The following PABPC4L variants were observed in gnomAD, a reference collection of about 807,000 sequenced individuals.
PABPC4L encodes the protein polyadenylate-binding protein 4-like.
For missense variants in PABPC4L, 452 were observed against 451.4 expected (o/e 1.00, Z -0.01); for synonymous variants, 169 against 164.1 (o/e 1.03, Z -0.23).
the PABPC4L span, among the ~76,000 whole-genome samples, chr4:134,189,465 G>T: frequency 1.3e-5 from 2 of 151,790 alleles, no homozygotes; most frequent in Non-Finnish European, 2.9e-5. Context: ...TATATACATG[G>T]TATACATACA....
the PABPC4L span, among the ~76,000 whole-genome samples, chr4:134,005,532 A>T: frequency 2.6e-5 from 4 of 151,930 alleles, no homozygotes; most frequent in Middle Eastern, 3.4e-3. Flanking sequence ...TATTTTAGTA[A>T]TCCAAGTAAA....
downstream of PABPC4L, among the ~76,000 whole-genome samples, chr4:134,194,061 A>G (rs909904499): frequency 6.6e-6 from 1 of 151,878 alleles, no homozygotes; most frequent in African/African-American, 2.4e-5. Context: ...GTAGGTAATT[A>G]TGTGTAATAA....
chr4:134,060,065 A>G, the PABPC4L span, among the ~76,000 whole-genome samples: 1 of 152,068 alleles, frequency 6.6e-6, no homozygotes, highest in Non-Finnish European at 1.5e-5. Flanking sequence ...GAGACATTGC[A>G]TTAAACTCAT....
the PABPC4L span, among the ~76,000 whole-genome samples, chr4:133,955,253 T>G: frequency 2.0e-5 from 3 of 151,996 alleles, no homozygotes; most frequent in African/African-American, 7.2e-5. Flanking sequence ...AAAGAAATAT[T>G]CAGGAGACTG....
At position 134,200,319 on chromosome 4, in the gene PABPC4L, A is replaced by T. The variant is rs1335600013; in HGVS notation, c.701T>A (p.Phe234Tyr). Residue 234 changes from phenylalanine to tyrosine, a missense_variant, in exon 2 of 2, where the codon TTT (phenylalanine) becomes TAT (tyrosine). By Grantham distance (22) the Phe-to-Tyr change is conservative. Coordinates refer to ENST00000421491, the MANE Select transcript of PABPC4L (RefSeq NM_001114734.2). Reference protein sequence around the residue: ...DSSGKSKGFGFVSFDSHEAAK... With the variant: ...DSSGKSKGFGYVSFDSHEAAK... ...AGCCTCATGGCTATCAAAACTCACA[A>T]AGCCAAAGCCTTTGGATTTCCCACT... is the stretch of plus-strand genomic sequence containing the variant. 2 of 1,593,740 alleles carry T rather than the reference A, an allele frequency of 1.3e-6. No homozygotes were observed. The highest frequency in any genetic ancestry group is 3.5e-5 in the Admixed American group (2 of 57,740).
At chr4:134,013,163 C>A in the PABPC4L span, among the ~76,000 whole-genome samples, 5 of 151,970 alleles carry the variant, frequency 3.3e-5, no homozygotes. Context: ...AGGGGAGGGG[C>A]AAGAACACCT....
chr4:133,952,225 T>C, the PABPC4L span, among the ~76,000 whole-genome samples: 2 of 152,172 alleles, frequency 1.3e-5, no homozygotes, highest in South Asian at 2.1e-4. Flanking sequence ...CCATGAAACC[T>C]TGTGGCAGCA....
At chr4:134,141,430 G>A in the PABPC4L span, among the ~76,000 whole-genome samples, 1 of 150,320 alleles carries the variant, frequency 6.7e-6, no homozygotes, top group Non-Finnish European at 1.5e-5. Context: ...TTTCAAAGAT[G>A]AGAAAAAGAA....
At chr4:134,053,079 C>G in the PABPC4L span, among the ~76,000 whole-genome samples, 2 of 152,062 alleles carry the variant, frequency 1.3e-5, no homozygotes, top group African/African-American at 4.8e-5. Flanking sequence ...CAAATTAGCA[C>G]TTAGTTGCCT....
chr4:134,075,212 G>A, the PABPC4L span, among the ~76,000 whole-genome samples: 1 of 152,142 alleles, frequency 6.6e-6, no homozygotes, highest in Non-Finnish European at 1.5e-5. Flanking sequence ...CAATGTAGGA[G>A]CACTTTAAGG....
chr4:133,975,456 G>T, the PABPC4L span, among the ~76,000 whole-genome samples: 1 of 151,972 alleles, frequency 6.6e-6, no homozygotes, highest in Non-Finnish European at 1.5e-5. Context: ...ACTAAATTGT[G>T]CATTTAAAAA....
the PABPC4L span, among the ~76,000 whole-genome samples, chr4:133,953,395 A>C: frequency 6.6e-6 from 1 of 152,236 alleles, no homozygotes; most frequent in Admixed American, 6.5e-5. Context: ...TTCCCTCAGT[A>C]ATTCCTCAAT....
chr4:134,025,305 C>CAA, the PABPC4L span, among the ~76,000 whole-genome samples: 929 of 42,560 alleles, frequency 0.022, 1 homozygote, highest in Non-Finnish European at 0.028. Context: ...GAATTCATCT[C>CAA]AAAAAAAAAA....
chr4:134,124,460 T>A, the PABPC4L span, among the ~76,000 whole-genome samples: 1 of 152,140 alleles, frequency 6.6e-6, no homozygotes, highest in African/African-American at 2.4e-5. Context: ...ACTTCTCTTT[T>A]CATAAAACCT....
the PABPC4L span, among the ~76,000 whole-genome samples, chr4:133,969,630 C>G: frequency 1.3e-5 from 2 of 152,200 alleles, no homozygotes; most frequent in Non-Finnish European, 2.9e-5. Context: ...GATTAGGATG[C>G]TTTGATTAGC....
chr4:133,951,747 G>T, the PABPC4L span, among the ~76,000 whole-genome samples: 11 of 152,036 alleles, frequency 7.2e-5, no homozygotes, highest in Non-Finnish European at 1.6e-4. Context: ...GGTCCCCTAT[G>T]GGGACCATTA....
the PABPC4L span, among the ~76,000 whole-genome samples, chr4:134,173,159 CAAAAAAAA>C: frequency 3.8e-5 from 3 of 78,004 alleles, no homozygotes; most frequent in Non-Finnish European, 5.1e-5. Context: ...GGAGATTCCT[CAAAAAAAA>C]AAAAAAAAAA....
the PABPC4L span, among the ~76,000 whole-genome samples, chr4:134,026,239 C>T: frequency 5.0e-5 from 7 of 138,920 alleles, no homozygotes; most frequent in South Asian, 4.4e-4. Context: ...ATAATTTTTG[C>T]GATTTTTTTT....
At chr4:134,162,661 C>A in the PABPC4L span, among the ~76,000 whole-genome samples, 1 of 152,036 alleles carries the variant, frequency 6.6e-6, no homozygotes, top group African/African-American at 2.4e-5. Context: ...TATCAAGTAT[C>A]TTCTCAAGGC....
Sources: gnomAD v4.1 joint callset for allele counts (sites outside exome capture counted in the v4.1 genomes callset) on GRCh38, gnomAD v4.1.1 for gene constraint, MANE v1.5 for transcripts, NCBI Gene and HGNC (gene_info 2026-07-23, HGNC 2026-07-21) for gene names.